The following AGO2 variants were observed in gnomAD, a reference collection of about 807,000 sequenced individuals.
The protein encoded by AGO2 is argonaute RISC catalytic component 2, also known as protein argonaute-2.
A neutral mutation model predicts 102.3 loss-of-function variants in AGO2; 5 were observed. The observed-to-expected ratio is 0.05, with a 90% CI of 0.03 to 0.10. The LOEUF (loss-of-function observed/expected upper bound fraction) is 0.10. Ranked by LOEUF, AGO2 falls within the 10% of genes least tolerant of loss-of-function variation. AGO2 has a pLI of 1.00. For synonymous variants in AGO2, 449 were observed against 473.1 expected, an observed-to-expected ratio of 0.95 and a Z score of 0.66; for missense variants, 541 against 1,183.7, an observed-to-expected ratio of 0.46 and a Z score of 7.97.
At chr8:140,584,633 A>C (rs1361108594) in intron 2 of AGO2, among the ~76,000 whole-genome samples, 3 of 152,238 alleles carry the variant, frequency 2.0e-5, no homozygotes, top group Non-Finnish European at 4.4e-5. Flanking sequence ...GCAATAGAGT[A>C]TTTAGCAATA....
rs975429434 is a variant in AGO2 at position 140,525,711 on chromosome 8, C to T, written c.*6333G>A. On this transcript the variant is annotated 3_prime_UTR_variant, in exon 19 of 19. Coordinates refer to ENST00000220592, the MANE Select transcript of AGO2 (RefSeq NM_012154.5). ...ACCCAGACACCTCCAACTGTCAGATCATCGCCTGTCAACTCAGAGTAAACT... is the reference window on the plus strand; with the variant it reads ...ACCCAGACACCTCCAACTGTCAGATTATCGCCTGTCAACTCAGAGTAAACT... The T allele has an allele frequency of 6.9e-4, 105 of 152,142 alleles. No individual in the cohort carries two copies. The highest frequency in any genetic ancestry group is 2.5e-3 in the African/African-American group (104 of 41,392). 9.4% of individuals were successfully genotyped at this position (152,142 alleles called of 1,614,324 possible).
chr8:140,621,303 C>T (rs1416186197), intron 1 of AGO2, among the ~76,000 whole-genome samples: 2 of 152,228 alleles, frequency 1.3e-5, no homozygotes, highest in Admixed American at 6.5e-5. Flanking sequence ...GGCCACTTTC[C>T]TGCCCCTCCT....
chr8:140,616,152 C>T (rs1283554797), intron 1 of AGO2, among the ~76,000 whole-genome samples: 1 of 152,188 alleles, frequency 6.6e-6, no homozygotes, highest in Non-Finnish European at 1.5e-5. Context: ...CTGTGCCAGA[C>T]GAGACTCCTC....
At chr8:140,631,618 G>A (rs1033959326) in intron 1 of AGO2, among the ~76,000 whole-genome samples, 1 of 152,112 alleles carries the variant, frequency 6.6e-6, no homozygotes, top group Admixed American at 6.6e-5. Context: ...GCTAGCTTTA[G>A]AGGCGGAAGG....
Position 140,572,852 on chromosome 8 carries a change from T to G in AGO2, c.296A>C (p.Asn99Thr). Residue 99 changes from asparagine to threonine, a missense_variant, in exon 3 of 19, where the codon AAT (asparagine) becomes ACT (threonine). Physicochemically the swap from Asn to Thr is moderately conservative, Grantham distance 65. Around this residue, in one of 6 missense-constraint regions of AGO2, gnomAD observed 147 missense variants for 204.1 expected, o/e 0.72. Coordinates refer to ENST00000220592, the MANE Select transcript of AGO2 (RefSeq NM_012154.5). Reference protein sequence around the residue: ...DRKPVFDGRKNLYTAMPLPIG... With the variant: ...DRKPVFDGRKTLYTAMPLPIG... ...CGGAAGGGGCATGGCTGTGTATAGA[T>G]TCTTCCTGCCGTCAAACACGGGCTT... The G allele has an allele frequency of 6.2e-7, 1 of 1,614,110 alleles. No individual in the cohort carries two copies. Among genetic ancestry groups the G allele is most frequent in the Non-Finnish European group, 8.5e-7 (1 of 1,180,012 alleles).
intron 1 of AGO2, among the ~76,000 whole-genome samples, chr8:140,596,990 G>A (rs1399142460): frequency 6.6e-6 from 1 of 152,218 alleles, no homozygotes; most frequent in African/African-American, 2.4e-5. Context: ...TGGCCCCAGA[G>A]TGCGTCCCAC....
At chr8:140,628,689 C>A (rs766899783) in intron 1 of AGO2, among the ~76,000 whole-genome samples, 5 of 151,870 alleles carry the variant, frequency 3.3e-5, no homozygotes, top group African/African-American at 1.2e-4. Flanking sequence ...GGTTTGAACC[C>A]GTGAAGTCAG....
intron 14 of AGO2, among the ~76,000 whole-genome samples, chr8:140,543,059 C>CCCT (rs2072829322): frequency 6.6e-6 from 1 of 152,110 alleles, no homozygotes; most frequent in Admixed American, 6.5e-5. Context: ...ATTGCTTGAA[C>CCCT]CTGGGAGGCA....
At chr8:140,614,042 G>T (rs899729645) in intron 1 of AGO2, among the ~76,000 whole-genome samples, 1 of 99,382 alleles carries the variant, frequency 1.0e-5, no homozygotes, top group South Asian at 3.5e-4. Context: ...AAAAAAAAAG[G>T]CCAGACACGG....
intron 1 of AGO2, among the ~76,000 whole-genome samples, chr8:140,632,533 A>G (rs1401091829): frequency 6.6e-6 from 1 of 152,252 alleles, no homozygotes; most frequent in East Asian, 1.9e-4. Context: ...TTTGTGGCAA[A>G]TCTGCGAGGG....
intron 1 of AGO2, among the ~76,000 whole-genome samples, chr8:140,619,193 G>A (rs1267727121): frequency 1.3e-5 from 2 of 152,190 alleles, no homozygotes; most frequent in Admixed American, 6.5e-5. Context: ...CCCGCACCTG[G>A]CAGCCACTGT....
At chr8:140,579,148 G>A (rs912388767) in intron 2 of AGO2, among the ~76,000 whole-genome samples, 1 of 151,760 alleles carries the variant, frequency 6.6e-6, no homozygotes, top group Non-Finnish European at 1.5e-5. Context: ...GCTTGACCTC[G>A]GGAGGTTGAG....
intron 1 of AGO2, among the ~76,000 whole-genome samples, chr8:140,606,140 T>A (rs1040706698): frequency 6.6e-6 from 1 of 152,188 alleles, no homozygotes; most frequent in Non-Finnish European, 1.5e-5. Context: ...TAATTAAATA[T>A]GCCAAGAAAT....
chr8:140,532,711 C>T, intron 17 of AGO2, 96 bp from the exon 18 acceptor site: 1 of 1,339,404 alleles, frequency 7.5e-7, no homozygotes, highest in Non-Finnish European at 1.0e-6. Flanking sequence ...AAAAATGCAT[C>T]ATAGTCTGGA....
chr8:140,538,080 A>T (rs2072728624), intron 16 of AGO2, among the ~76,000 whole-genome samples: 1 of 152,190 alleles, frequency 6.6e-6, no homozygotes, highest in African/African-American at 2.4e-5. Context: ...TCGGCCTCCC[A>T]AAGTGCCAGG....
chr8:140,552,205 C>T (rs1249844371), intron 10 of AGO2, among the ~76,000 whole-genome samples: 1 of 152,194 alleles, frequency 6.6e-6, no homozygotes, highest in Non-Finnish European at 1.5e-5. Flanking sequence ...GGGACTGAGC[C>T]CATAGCTTTT....
In AGO2 at chr8:140,527,512, G is replaced by T. The variant is rs1020345312; in HGVS notation, c.*4532C>A. 6.5e-6 allele frequency: 1 copy of T among 153,204 alleles called. No individual in the cohort carries two copies. The highest frequency in any genetic ancestry group is 2.4e-5 in the African/African-American group (1 of 41,446). The allele number at this position is 153,204 out of a possible 1,614,324, so 9.5% of individuals were successfully genotyped here. On this transcript the variant is annotated 3_prime_UTR_variant, in exon 19 of 19. Transcript: ENST00000220592. This position sits in a 1 kb window ranked among gnomAD's most constrained non-coding sequence, Gnocchi z 6.0. ...TTTCCTCATAAAAAAGAGTCAGCGTGTGTGTGTGTAACAGGGGCACCCCCA... is the reference window on the plus strand; with the variant it reads ...TTTCCTCATAAAAAAGAGTCAGCGTTTGTGTGTGTAACAGGGGCACCCCCA...
chr8:140,604,285 C>T (rs903342657), intron 1 of AGO2, among the ~76,000 whole-genome samples: 20 of 152,218 alleles, frequency 1.3e-4, no homozygotes, highest in African/African-American at 4.3e-4. Flanking sequence ...TTTCATCTAG[C>T]TGGGAGTTCA....
At chr8:140,602,967 C>G (rs1359029351) in intron 1 of AGO2, among the ~76,000 whole-genome samples, 3 of 152,234 alleles carry the variant, frequency 2.0e-5, no homozygotes, top group African/African-American at 4.8e-5. Flanking sequence ...AACGACGATG[C>G]CTGCACGCAT....
Sources: gnomAD v4.1 joint callset for allele counts (sites outside exome capture counted in the v4.1 genomes callset) on GRCh38, gnomAD v4.1.1 for gene constraint, gnomAD v4.1.1 regional missense constraint, Gnocchi (gnomAD v3.1) non-coding constraint, MANE v1.5 for transcripts, NCBI Gene and HGNC (gene_info 2026-07-23, HGNC 2026-07-21) for gene names.